Variants in BIRC6 observed in about 807,000 individuals in gnomAD.
BIRC6 encodes baculoviral IAP repeat containing 6.
In BIRC6, 98 loss-of-function variants were observed where a neutral mutation model predicts 503.3. The ratio of observed to expected loss-of-function variants is 0.19; its 90% CI spans 0.17 to 0.23. BIRC6 has a LOEUF of 0.23. Ranked by LOEUF, BIRC6 falls within the 10% of genes least tolerant of loss-of-function variation. The pLI is 1.00. For missense variants in BIRC6, 5,360 were observed against 5,806.0 expected, an observed-to-expected ratio of 0.92 and a Z score of 2.50; for synonymous variants, 2,240 against 2,078.7, an observed-to-expected ratio of 1.08 and a Z score of -2.11.
chr2:32,494,565 G>A (rs2149373794), intron 45 of BIRC6, among the ~76,000 whole-genome samples: 1 of 150,810 alleles, frequency 6.6e-6, no homozygotes, highest in South Asian at 2.1e-4. Context: ...TTTTGTTTTT[G>A]AAGTTACAAT....
At chr2:32,360,990 G>A (rs899850001) in intron 1 of BIRC6, among the ~76,000 whole-genome samples, 1 of 152,020 alleles carries the variant, frequency 6.6e-6, no homozygotes, top group Admixed American at 6.6e-5. Context: ...ATGCGATCTC[G>A]GCTCACTGTA....
intron 23 of BIRC6, 46 bp from the exon 24 acceptor site, chr2:32,463,148 A>T (rs2048182251): frequency 6.7e-7 from 1 of 1,484,510 alleles, no homozygotes; most frequent in Admixed American, 2.3e-5. Context: ...CCTTTTCTTC[A>T]TCCTGGTGTT....
At chr2:32,518,781 G>C in intron 56 of BIRC6, 36 bp from the exon 57 acceptor site, 1 of 1,598,654 alleles carries the variant, frequency 6.3e-7, no homozygotes, top group Non-Finnish European at 8.6e-7. Context: ...ATTCCAAAAA[G>C]TTACTTCCTG....
intron 71 of BIRC6, among the ~76,000 whole-genome samples, chr2:32,606,637 A>G (rs1489729145): frequency 1.3e-5 from 2 of 152,094 alleles, no homozygotes; most frequent in African/African-American, 4.8e-5. Flanking sequence ...GTGATACTGT[A>G]GCAGTTAATT....
intron 1 of BIRC6, among the ~76,000 whole-genome samples, chr2:32,362,310 C>G (rs998055837): frequency 1.3e-5 from 2 of 150,188 alleles, no homozygotes; most frequent in Non-Finnish European, 3.0e-5. Flanking sequence ...TGTTTATTTG[C>G]TGACTTTGTT....
chr2:32,402,845 G>T (rs572077546), intron 8 of BIRC6, among the ~76,000 whole-genome samples: 1 of 152,108 alleles, frequency 6.6e-6, no homozygotes, highest in African/African-American at 2.4e-5. Context: ...TTGAAGTTTT[G>T]TAATTTGGGG....
chr2:32,618,231 T>A lies in BIRC6; in HGVS notation c.*327T>A, dbSNP rs1465393989. ...TACTGAATGTTTATTTTATTTTATT[T>A]TTTTTTTACTATAGAGTGAGGGGTT... is the stretch of plus-strand genomic sequence containing the variant. On this transcript the variant is annotated 3_prime_UTR_variant, in exon 74 of 74. Transcript: ENST00000421745. The A allele has an allele frequency of 1.2e-5, 2 of 165,552 alleles. No homozygotes were observed. Among genetic ancestry groups the A allele is most frequent in the African/African-American group, 2.4e-5 (1 of 41,910 alleles). 10.3% of individuals were successfully genotyped at this position (165,552 alleles called of 1,614,324 possible).
intron 59 of BIRC6, among the ~76,000 whole-genome samples, 184 bp downstream of exon 59, chr2:32,525,812 G>A (rs2249109): frequency 0.64 from 97,233 of 151,952 alleles, 31,600 homozygotes; most frequent in African/African-American, 0.7. Flanking sequence ...AATCTATTAC[G>A]TATCCTTTTT....
rs535636911 is a variant in BIRC6 at position 32,426,906 on chromosome 2, A to G, written c.2873-2240A>G. ...TCATTTTTGAGGATTAATGCTACAT[A>G]GAGAATCTGTTGACAGTTTCTTTCT... is the stretch of plus-strand genomic sequence containing the variant. On this transcript the variant is annotated intron_variant, in intron 10 of 73. Coordinates refer to ENST00000421745, the MANE Select transcript of BIRC6 (RefSeq NM_016252.4). Among the ~76,000 whole-genome samples, 80 of 152,358 alleles carry G rather than the reference A, an allele frequency of 5.3e-4. 1 individual carries two copies. The highest frequency in any genetic ancestry group is 1.9e-3 in the African/African-American group (77 of 41,584).
At chr2:32,608,604 A>G (rs2062634630) in intron 72 of BIRC6, among the ~76,000 whole-genome samples, 1 of 151,950 alleles carries the variant, frequency 6.6e-6, no homozygotes, top group African/African-American at 2.4e-5. Flanking sequence ...TTTAGTAGAG[A>G]CGGGGTTTCA....
chr2:32,468,241 G>A (rs2048764815), intron 28 of BIRC6, 130 bp downstream of exon 28: 10 of 1,051,218 alleles, frequency 9.5e-6, no homozygotes, highest in South Asian at 3.3e-5. Context: ...TAGGAGATTA[G>A]CACGTTACAA....
At chr2:32,535,767 C>T (rs1259333467) in intron 61 of BIRC6, among the ~76,000 whole-genome samples, 5 of 152,164 alleles carry the variant, frequency 3.3e-5, no homozygotes, top group South Asian at 2.1e-4. Flanking sequence ...AATAAACATA[C>T]GTGTGCATGT....
chr2:32,506,330 AT>A (rs1412619521), intron 50 of BIRC6, among the ~76,000 whole-genome samples: 6 of 152,250 alleles, frequency 3.9e-5, no homozygotes, highest in African/African-American at 1.4e-4. Flanking sequence ...GGAGAAAACA[AT>A]TTTTTTCTAT....
Position 32,476,302 on chromosome 2 carries a change from ACTC to A in BIRC6, c.6813_6815del (p.Leu2272del), listed in dbSNP as rs1346945277. On this transcript the variant is annotated inframe_deletion, in exon 34 of 74. Coordinates refer to ENST00000421745, the MANE Select transcript of BIRC6 (RefSeq NM_016252.4). Reference sequence around the variant, plus strand: ...AAAGTAACAAAGGATCATCATATAAACTCCTGGTAGAACAAGCAAAACTAAAGC... The same window carrying A: ...AAAGTAACAAAGGATCATCATATAAACTGGTAGAACAAGCAAAACTAAAGC... The A allele has an allele frequency of 1.3e-6, 2 of 1,573,806 alleles. No individual in the cohort carries two copies. The highest frequency in any genetic ancestry group is 1.9e-5 in the Admixed American group (1 of 54,050).
At chr2:32,559,699 T>A (rs6747560) in intron 65 of BIRC6, among the ~76,000 whole-genome samples, 1 of 149,524 alleles carries the variant, frequency 6.7e-6, no homozygotes, top group Admixed American at 6.7e-5. Context: ...TCCTCTTGGT[T>A]GGGGGGGTCT....
At chr2:32,523,731 G>C (rs964272059) in intron 57 of BIRC6, among the ~76,000 whole-genome samples, 3 of 152,136 alleles carry the variant, frequency 2.0e-5, no homozygotes, top group Non-Finnish European at 2.9e-5. Context: ...TAAAAGACCG[G>C]GTCATAATTG....
chr2:32,522,828 G>C (rs1010263541), intron 57 of BIRC6: 4 of 152,188 alleles, frequency 2.6e-5, no homozygotes, highest in African/African-American at 9.7e-5. Flanking sequence ...AAGTCTTGAA[G>C]ACCCTGTATA....
chr2:32,607,823 A>C (rs2062570985), intron 72 of BIRC6, among the ~76,000 whole-genome samples, 180 bp downstream of exon 72: 2 of 151,778 alleles, frequency 1.3e-5, no homozygotes, highest in South Asian at 4.2e-4. Flanking sequence ...ACTTAAAAAA[A>C]GAAAAAGATA....
chr2:32,425,255 GAA>G, intron 10 of BIRC6, among the ~76,000 whole-genome samples: 1 of 151,942 alleles, frequency 6.6e-6, no homozygotes, highest in African/African-American at 2.4e-5. Context: ...TTGGCATTTT[GAA>G]AAAGTCCAGT....
Sources: allele counts gnomAD v4.1 joint callset (sites outside exome capture counted in the v4.1 genomes callset), GRCh38; gene constraint gnomAD v4.1.1; transcripts MANE v1.5; gene names NCBI Gene and HGNC (gene_info 2026-07-23, HGNC 2026-07-21).